Variants in CAMKMT observed in about 807,000 individuals in gnomAD.
CAMKMT encodes the protein CaM KMT.
A neutral mutation model predicts 48.0 loss-of-function variants in CAMKMT; 53 were observed. The ratio of observed to expected loss-of-function variants is 1.10; its 90% CI spans 0.89 to 1.39. The LOEUF is 1.39. Ranked by LOEUF, CAMKMT falls within the 40% of genes most tolerant of loss-of-function variation. The pLI is 0.00. For missense variants in CAMKMT, 428 were observed against 402.7 expected, an observed-to-expected ratio of 1.06 and a Z score of -0.54; for synonymous variants, 165 against 152.3, an observed-to-expected ratio of 1.08 and a Z score of -0.61.
intron 3 of CAMKMT, among the ~76,000 whole-genome samples, chr2:44,652,942 G>T (rs1184799846): frequency 6.6e-6 from 1 of 152,156 alleles, no homozygotes; most frequent in Non-Finnish European, 1.5e-5. Context: ...CTGGCTGGTT[G>T]CCTGCTTCCC....
intron 3 of CAMKMT, among the ~76,000 whole-genome samples, chr2:44,407,102 G>A (rs961972345): frequency 6.6e-6 from 1 of 152,174 alleles, no homozygotes; most frequent in Non-Finnish European, 1.5e-5. Context: ...GTCAATTTAG[G>A]CAGTAGTGAA....
At chr2:44,579,584 C>T (rs1183042663) in intron 3 of CAMKMT, among the ~76,000 whole-genome samples, 1 of 152,228 alleles carries the variant, frequency 6.6e-6, no homozygotes, top group Non-Finnish European at 1.5e-5. Flanking sequence ...CTGAAAATCT[C>T]ACTCGCATTA....
chr2:44,363,816 G>A (rs1678296302), intron 1 of CAMKMT, among the ~76,000 whole-genome samples: 1 of 150,186 alleles, frequency 6.7e-6, no homozygotes, highest in East Asian at 2.0e-4. Flanking sequence ...TCAGCCTTCC[G>A]AATAGCTGGG....
At chr2:44,434,225 G>GC (rs1684815786) in intron 3 of CAMKMT, among the ~76,000 whole-genome samples, 2 of 106,898 alleles carry the variant, frequency 1.9e-5, no homozygotes, top group Non-Finnish European at 4.9e-5. Context: ...GTTTGTGAGG[G>GC]ATTTTTTTTT....
chr2:44,401,823 C>T (rs1049658644), intron 3 of CAMKMT, among the ~76,000 whole-genome samples: 1 of 152,060 alleles, frequency 6.6e-6, no homozygotes, highest in Admixed American at 6.5e-5. Context: ...TCCAGTTTGA[C>T]CTCTACACCA....
At chr2:44,662,013 C>T (rs889875662) in intron 3 of CAMKMT, among the ~76,000 whole-genome samples, 4 of 152,196 alleles carry the variant, frequency 2.6e-5, no homozygotes, top group African/African-American at 7.2e-5. Context: ...ATATCTATCA[C>T]TGTATGCAAC....
chr2:44,414,000 G>A lies in CAMKMT; in HGVS notation c.376+23695G>A, dbSNP rs72806812. On this transcript the variant is annotated intron_variant, in intron 3 of 10. Coordinates refer to ENST00000378494, the MANE Select transcript of CAMKMT (RefSeq NM_024766.5). The stretch of plus-strand genomic sequence containing the variant: ...TTCTAGACAGGATATTTAGTAGCCA[G>A]GCTCAGGGTGGCATTGTATTGGTAT... Among the ~76,000 whole-genome samples the A allele has an allele frequency of 5.1e-3, 784 of 152,250 alleles. 11 individuals carry two copies. Among genetic ancestry groups the A allele is most frequent in the Admixed American group, 0.013 (194 of 15,302 alleles).
At chr2:44,676,211 G>A (rs1184821815) in intron 3 of CAMKMT, among the ~76,000 whole-genome samples, 2 of 151,334 alleles carry the variant, frequency 1.3e-5, no homozygotes, top group Non-Finnish European at 2.9e-5. Flanking sequence ...TCCCTCTCTC[G>A]CTCTCTCTCT....
intron 3 of CAMKMT, among the ~76,000 whole-genome samples, chr2:44,571,852 AAC>A (rs1668923637): frequency 6.6e-6 from 1 of 152,174 alleles, no homozygotes; most frequent in African/African-American, 2.4e-5. Context: ...CAAAACAAAT[AAC>A]AGTTATTACT....
At chr2:44,390,440 A>T in intron 3 of CAMKMT, 135 bp downstream of exon 3, 1 of 571,530 alleles carries the variant, frequency 1.7e-6, no homozygotes, top group South Asian at 2.9e-5. Context: ...AGAAAGTTTG[A>T]CTGTCTTTAG....
chr2:44,362,802 G>A lies in CAMKMT; in HGVS notation c.138+657G>A, dbSNP rs529529569. Among the ~76,000 whole-genome samples, 64 of 152,284 alleles carry A rather than the reference G, an allele frequency of 4.2e-4. 1 individual carries two copies. Among genetic ancestry groups the A allele is most frequent in the African/African-American group, 1.4e-3 (58 of 41,536 alleles). ...CGTTTTTGAATGATGGTATCTTCTG[G>A]TACTTCAAAGTTTCTGCTGTTACTT... On this transcript the variant is annotated intron_variant, in intron 1 of 10. Coordinates refer to ENST00000378494, the MANE Select transcript of CAMKMT (RefSeq NM_024766.5).
At chr2:44,476,134 C>G (rs1238050165) in intron 3 of CAMKMT, among the ~76,000 whole-genome samples, 1 of 152,146 alleles carries the variant, frequency 6.6e-6, no homozygotes, top group Non-Finnish European at 1.5e-5. Flanking sequence ...CAGGGTAGCA[C>G]TGTAGTTCTT....
chr2:44,635,847 T>C (rs1407264620), intron 3 of CAMKMT, among the ~76,000 whole-genome samples: 1 of 152,180 alleles, frequency 6.6e-6, no homozygotes, highest in Non-Finnish European at 1.5e-5. Context: ...TAAAATAGAC[T>C]ATCCAATATG....
chr2:44,389,733 A>C (rs1681138895), intron 2 of CAMKMT, among the ~76,000 whole-genome samples: 1 of 152,244 alleles, frequency 6.6e-6, no homozygotes, highest in Non-Finnish European at 1.5e-5. Context: ...AATTAAGATT[A>C]GTGGGCAAAA....
At chr2:44,405,375 G>C (rs369242153) in intron 3 of CAMKMT, among the ~76,000 whole-genome samples, 12 of 152,018 alleles carry the variant, frequency 7.9e-5, no homozygotes, top group African/African-American at 2.9e-4. Context: ...AAAAAGAATG[G>C]ATTGAGTTAT....
At chr2:44,602,688 GGAGA>G (rs1195144374) in intron 3 of CAMKMT, among the ~76,000 whole-genome samples, 1 of 151,886 alleles carries the variant, frequency 6.6e-6, no homozygotes, top group African/African-American at 2.4e-5. Flanking sequence ...CGGCAGAGCT[GGAGA>G]GAGAGAGAAC....
rs138032579 is a variant in CAMKMT at position 44,378,021 on chromosome 2, G to A, written c.311+5133G>A. On this transcript the variant is annotated intron_variant, in intron 2 of 10. Transcript: ENST00000378494. ...ACGTATATAGAGCTTGGCGAGGCTG[G>A]CATCTAAGACAAATACGAATACTGC... Among the ~76,000 whole-genome samples the A allele has an allele frequency of 1.5e-4, 23 of 152,276 alleles. No homozygotes were observed. In the East Asian group the frequency reaches 4.4e-3, roughly 29 times the overall value.
At chr2:44,373,506 G>A (rs993017725) in intron 2 of CAMKMT, among the ~76,000 whole-genome samples, 3 of 152,070 alleles carry the variant, frequency 2.0e-5, no homozygotes, top group African/African-American at 4.8e-5. Context: ...TATTACTGTA[G>A]GTGTTTGATT....
chr2:44,411,311 A>G (rs939638015), intron 3 of CAMKMT, among the ~76,000 whole-genome samples: 8 of 152,200 alleles, frequency 5.3e-5, no homozygotes, highest in African/African-American at 9.7e-5. Flanking sequence ...GTACTAGGCT[A>G]AGCACTGGGG....
Sources: gnomAD v4.1 joint callset for allele counts (sites outside exome capture counted in the v4.1 genomes callset) on GRCh38, gnomAD v4.1.1 for gene constraint, MANE v1.5 for transcripts, NCBI Gene and HGNC (gene_info 2026-07-23, HGNC 2026-07-21) for gene names.